The following TTC23L variants were observed in gnomAD, a reference collection of about 807,000 sequenced individuals.
The protein encoded by TTC23L is tetratricopeptide repeat domain 23 like.
In TTC23L, 42 loss-of-function variants were observed where a neutral mutation model predicts 48.1. The observed-to-expected ratio is 0.87, with a 90% CI of 0.68 to 1.13. The LOEUF (loss-of-function observed/expected upper bound fraction) is 1.13, where lower values mean the gene tolerates loss of function less well. Ranked by LOEUF, TTC23L falls within the 50% of genes most tolerant of loss-of-function variation. TTC23L has a pLI of 0.00. For synonymous variants in TTC23L, 159 were observed against 157.2 expected (o/e 1.01, Z -0.09); for missense variants, 391 against 421.0 (o/e 0.93, Z 0.62).
At chr5:34,921,967 G>T in the TTC23L span, 1 of 205,006 alleles carries the variant, frequency 4.9e-6, no homozygotes, top group Non-Finnish European at 9.5e-6. Flanking sequence ...GACCATTTTA[G>T]ATGCTAGGCC....
At chr5:34,915,914 C>T in the TTC23L span, 5 of 1,521,564 alleles carry the variant, frequency 3.3e-6, no homozygotes, top group Non-Finnish European at 4.4e-6. Flanking sequence ...GGGGATGTCC[C>T]CGGGCTACAC....
rs555475391 is a variant in TTC23L, at chr5:34,843,661, G to A, written c.69-1826G>A. On this transcript the variant is annotated intron_variant, in intron 2 of 10. Coordinates refer to ENST00000505624, the Ensembl canonical transcript of TTC23L. The stretch of plus-strand genomic sequence containing the variant: ...TAAGCAAAATTTGCTATTGAGATAT[G>A]ATCTCTTTTTTTTTTAACTGCCCCT... Among the ~76,000 whole-genome samples the A allele has an allele frequency of 1.1e-4, 17 of 152,270 alleles. No homozygotes were observed. The South Asian group carries it at 3.3e-3, about 30-fold the overall frequency.
At chr5:34,904,558 C>A in the TTC23L span, among the ~76,000 whole-genome samples, 1 of 150,340 alleles carries the variant, frequency 6.7e-6, no homozygotes. Context: ...CGCACCACTG[C>A]ACTCCAGCCT....
intron 2 of TTC23L, 118 bp from the exon 3 acceptor site, chr5:34,845,369 G>A: frequency 2.8e-6 from 3 of 1,070,768 alleles, no homozygotes; most frequent in Non-Finnish European, 2.6e-6. Flanking sequence ...TATTCCTTCC[G>A]GTTTATGTTA....
chr5:34,896,866 T>C, exon 10 of TTC23L: 2 of 721,558 alleles, frequency 2.8e-6, no homozygotes, highest in South Asian at 1.5e-5. Flanking sequence ...GGGCAGTGTA[T>C]GGAGGAATGG....
At chr5:34,917,141 G>GA in the TTC23L span, among the ~76,000 whole-genome samples, 201 of 150,300 alleles carry the variant, frequency 1.3e-3, no homozygotes, top group African/African-American at 4.4e-3. Context: ...CTCCAAGGGA[G>GA]AAAAAAAAAC....
At chr5:34,922,284 T>C in the TTC23L span, 4 of 1,550,638 alleles carry the variant, frequency 2.6e-6, no homozygotes, top group Non-Finnish European at 3.5e-6. Flanking sequence ...GATCTCTATA[T>C]GTGGTAAGAG....
intron 4 of TTC23L, among the ~76,000 whole-genome samples, chr5:34,859,238 C>T (rs1760378941): frequency 6.6e-6 from 1 of 152,164 alleles, no homozygotes; most frequent in Non-Finnish European, 1.5e-5. Flanking sequence ...TAACGGCCCA[C>T]CTACTTGTGG....
chr5:34,840,548 A>G, intron 1 of TTC23L, 117 bp from the exon 2 acceptor site: 1 of 814,322 alleles, frequency 1.2e-6, no homozygotes, highest in Non-Finnish European at 2.1e-6. Flanking sequence ...CTGTGGATTT[A>G]GGATGGGTTA....
rs1554016524 is a variant in TTC23L, at chr5:34,840,245, G to GGC, written c.-7-419_-7-418insCG. The stretch of plus-strand genomic sequence containing the variant: ...AATTAGTGAAATGACCCCGGGGGGG[G>GGC]GGGGGAAAGCAGAATTAACCAATAC... On this transcript the variant is annotated intron_variant, in intron 1 of 10. Transcript: ENST00000505624. Among the ~76,000 whole-genome samples the GGC allele has an allele frequency of 2.8e-5, 4 of 143,132 alleles. No homozygotes were observed. The East Asian group carries it at 6.0e-4, about 21-fold the overall frequency. The allele number at this position is 143,132 out of a possible 152,430, so 93.9% of individuals were successfully genotyped here. A position where few individuals can be genotyped will look rare whatever the true frequency, so the allele number is the denominator to read the frequency against.
intron 9 of TTC23L, among the ~76,000 whole-genome samples, chr5:34,884,519 C>T (rs1341255026): frequency 6.6e-6 from 1 of 151,568 alleles, no homozygotes; most frequent in East Asian, 1.9e-4. Context: ...CCCTAATGAT[C>T]ACATACACAC....
At chr5:34,839,728 T>A in intron 1 of TTC23L, 1 of 892,390 alleles carries the variant, frequency 1.1e-6, no homozygotes, top group Non-Finnish European at 1.3e-6. Context: ...TTGGTGGATG[T>A]TAACATTCAA....
At chr5:34,839,310 GC>G (rs1758383457) in intron 1 of TTC23L, 51 bp downstream of exon 1, 1 of 152,734 alleles carries the variant, frequency 6.5e-6, no homozygotes, top group Non-Finnish European at 1.5e-5. Context: ...GCGCCGTCGG[GC>G]TCAGGGAGCT....
chr5:34,881,767 G>GT (rs562919287), intron 9 of TTC23L, among the ~76,000 whole-genome samples: 1,655 of 133,710 alleles, frequency 0.012, 20 homozygotes, highest in African/African-American at 0.03. Flanking sequence ...TTAGAAGACT[G>GT]TTTTTTTTTT....
chr5:34,872,224 CTACAG>C (rs1186939680), intron 8 of TTC23L, among the ~76,000 whole-genome samples: 1 of 152,074 alleles, frequency 6.6e-6, no homozygotes, highest in African/African-American at 2.4e-5. Context: ...GGGTTCCAGT[CTACAG>C]AGAGCTATAA....
At chr5:34,866,818 G>A (rs1761080131) in intron 6 of TTC23L, 74 bp from the exon 7 acceptor site, 3 of 1,389,522 alleles carry the variant, frequency 2.2e-6, no homozygotes, top group South Asian at 3.0e-5. Context: ...TTTAATTCTT[G>A]GAATCAGTTC....
At chr5:34,862,422 C>T (rs1201497631) in intron 4 of TTC23L, among the ~76,000 whole-genome samples, 1 of 152,174 alleles carries the variant, frequency 6.6e-6, no homozygotes, top group East Asian at 1.9e-4. Flanking sequence ...CTACTTTGGT[C>T]CTGGACTATC....
chr5:34,856,603 T>C (rs542527065), intron 4 of TTC23L, among the ~76,000 whole-genome samples: 1 of 152,036 alleles, frequency 6.6e-6, no homozygotes, highest in Non-Finnish European at 1.5e-5. Flanking sequence ...GTAATAGGAG[T>C]TGATAAAACT....
chr5:34,871,373 T>A (rs562557403), intron 8 of TTC23L, among the ~76,000 whole-genome samples: 1 of 152,306 alleles, frequency 6.6e-6, no homozygotes, highest in South Asian at 2.1e-4. Context: ...ACAGTATTTA[T>A]GTGCTGAAAA....
Sources: allele counts gnomAD v4.1 joint callset (sites outside exome capture counted in the v4.1 genomes callset), GRCh38; gene constraint gnomAD v4.1.1; transcripts MANE v1.5; gene names NCBI Gene and HGNC (gene_info 2026-07-23, HGNC 2026-07-21).